SMIM21: variants seen among roughly 807,000 people sequenced by gnomAD.
The protein encoded by SMIM21 is chromosome 18 open reading frame 62.
A neutral mutation model predicts 8.6 loss-of-function variants in SMIM21; 8 were observed. That is an observed-to-expected ratio of 0.93 (90% CI 0.55 to 1.68). SMIM21 has a LOEUF of 1.68. Among genes scored for constraint, SMIM21 ranks in the 40% most tolerant of loss-of-function variants. The pLI is 0.00. For missense variants in SMIM21, 132 were observed against 123.0 expected, an observed-to-expected ratio of 1.07 and a Z score of -0.35; for synonymous variants, 43 against 41.7, an observed-to-expected ratio of 1.03 and a Z score of -0.12.
At chr18:75,418,951 G>GC in intron 1 of SMIM21, 35 bp from the exon 2 acceptor site, 1 of 1,453,358 alleles carries the variant, frequency 6.9e-7, no homozygotes, top group Non-Finnish European at 9.6e-7. Flanking sequence ...ACTATTTACA[G>GC]TGTCTGGCTT....
chr18:75,425,380 GA>G lies in SMIM21; in HGVS notation c.129+2054del, dbSNP rs1002134890. Among the ~76,000 whole-genome samples the G allele has an allele frequency of 8.6e-5, 13 of 150,952 alleles. No homozygotes were observed. In the East Asian group the frequency reaches 1.5e-3, roughly 18 times the overall value. On this transcript the variant is annotated intron_variant, in intron 1 of 2. Coordinates refer to ENST00000579022, the MANE Select transcript of SMIM21 (RefSeq NM_001037331.3). ...TGGAACCAGTGAACACTGGCCAAAA[GA>G]AAAAAAAAGTCCCATTCCACTGCCT...
intron 2 of SMIM21, among the ~76,000 whole-genome samples, chr18:75,413,805 G>A (rs2024608412): frequency 6.6e-6 from 1 of 152,098 alleles, no homozygotes; most frequent in Non-Finnish European, 1.5e-5. Context: ...AGTCTCATGA[G>A]TGCAAACACC....
chr18:75,418,061 G>T (rs1489249275), intron 2 of SMIM21: 1 of 395,932 alleles, frequency 2.5e-6, no homozygotes, highest in African/African-American at 2.1e-5. Context: ...GGAAGAGCTT[G>T]TGCCCACTGG....
At chr18:75,425,486 G>A (rs184691513) in intron 1 of SMIM21, among the ~76,000 whole-genome samples, 16 of 152,246 alleles carry the variant, frequency 1.1e-4, no homozygotes, top group Admixed American at 3.3e-4. Context: ...TATCTATGTC[G>A]TATGATCCAT....
chr18:75,420,706 C>T (rs1359493708), intron 1 of SMIM21, among the ~76,000 whole-genome samples: 8 of 152,140 alleles, frequency 5.3e-5, no homozygotes, highest in East Asian at 1.9e-4. Context: ...GCTTGTCCTA[C>T]GTTTGAAGCC....
At chr18:75,420,950 C>T (rs2024701930) in intron 1 of SMIM21, among the ~76,000 whole-genome samples, 1 of 152,168 alleles carries the variant, frequency 6.6e-6, no homozygotes, top group African/African-American at 2.4e-5. Context: ...CACAGGAAAA[C>T]TAGAAGCCAA....
At chr18:75,415,546 G>A (rs927812028) in intron 2 of SMIM21, among the ~76,000 whole-genome samples, 1 of 152,228 alleles carries the variant, frequency 6.6e-6, no homozygotes, top group Non-Finnish European at 1.5e-5. Flanking sequence ...GGCGGAACTA[G>A]CATGTGAGAT....
At chr18:75,414,968 A>T (rs929948481) in intron 2 of SMIM21, among the ~76,000 whole-genome samples, 1 of 152,198 alleles carries the variant, frequency 6.6e-6, no homozygotes, top group Non-Finnish European at 1.5e-5. Flanking sequence ...GTTTGTAAGA[A>T]TGGCTGACAA....
chr18:75,412,581 G>C (rs1353506282), intron 2 of SMIM21: 1 of 152,204 alleles, frequency 6.6e-6, no homozygotes, highest in African/African-American at 2.4e-5. Context: ...GGAGGTATGA[G>C]GTTTGGAAGC....
chr18:75,425,995 C>T (rs1568155932), intron 1 of SMIM21, among the ~76,000 whole-genome samples: 1 of 152,070 alleles, frequency 6.6e-6, no homozygotes, highest in East Asian at 1.9e-4. Context: ...TGCTGTGTTA[C>T]CATTGCCTCT....
chr18:75,425,772 A>T (rs954157402), intron 1 of SMIM21, among the ~76,000 whole-genome samples: 2 of 152,236 alleles, frequency 1.3e-5, no homozygotes, highest in Admixed American at 1.3e-4. Context: ...TTCAGATTAT[A>T]TGTAAGTTCC....
rs958434209 is a variant in SMIM21, at chr18:75,409,866, G to C, written c.*998C>G. On this transcript the variant is annotated 3_prime_UTR_variant, in exon 3 of 3. Transcript: ENST00000579022. ...CTGCACTGTGAGTTCTGAATCCCTG[G>C]CTCCCCAGCCGGACTCTTCAGTGCA... The C allele has an allele frequency of 6.6e-6, 1 of 152,546 alleles. No individual in the cohort carries two copies. Among genetic ancestry groups the C allele is most frequent in the Non-Finnish European group, 1.5e-5 (1 of 68,058 alleles). 9.4% of individuals were successfully genotyped at this position (152,546 alleles called of 1,614,324 possible). A position where few individuals can be genotyped will look rare whatever the true frequency, so the allele number is the denominator to read the frequency against.
At chr18:75,427,324 TGA>T in intron 1 of SMIM21, 109 bp downstream of exon 1, 1 of 1,241,406 alleles carries the variant, frequency 8.1e-7, no homozygotes, top group Non-Finnish European at 1.1e-6. Flanking sequence ...AATCTGGATT[TGA>T]GAGACAGAGC....
At chr18:75,421,594 T>C (rs1181574229) in intron 1 of SMIM21, among the ~76,000 whole-genome samples, 3 of 151,850 alleles carry the variant, frequency 2.0e-5, no homozygotes, top group Non-Finnish European at 2.9e-5. Context: ...CTCTGTGGGG[T>C]CAGGGTGGGG....
chr18:75,421,909 T>C (rs1041299924), intron 1 of SMIM21, among the ~76,000 whole-genome samples: 3 of 152,118 alleles, frequency 2.0e-5, no homozygotes, highest in Non-Finnish European at 2.9e-5. Context: ...AATACTAATG[T>C]CTTAGTATTA....
rs1334753832 is a variant in SMIM21 at position 75,418,967 on chromosome 18, G to A, written c.130-51C>T. 6.5e-6 allele frequency: 8 copies of A among 1,234,110 alleles called. No homozygotes were observed. The East Asian group carries it at 1.4e-4, about 22-fold the overall frequency. 76.4% of individuals were successfully genotyped at this position (1,234,110 alleles called of 1,614,324 possible). On this transcript the variant is annotated intron_variant, in intron 1 of 2. Coordinates refer to ENST00000579022, the MANE Select transcript of SMIM21 (RefSeq NM_001037331.3). ...CTATTTACAGTGTCTGGCTTTTCAAGCTTCATGCTACAAGCAGCTAACTCT... is the reference window on the plus strand; with the variant it reads ...CTATTTACAGTGTCTGGCTTTTCAAACTTCATGCTACAAGCAGCTAACTCT...
chr18:75,413,851 A>G (rs988830303), intron 2 of SMIM21, among the ~76,000 whole-genome samples: 1 of 152,190 alleles, frequency 6.6e-6, no homozygotes, highest in Non-Finnish European at 1.5e-5. Context: ...ATTGCTTAGA[A>G]CAGGGATGAA....
intron 2 of SMIM21, chr18:75,417,295 T>A (rs1389747008): frequency 6.6e-6 from 1 of 152,214 alleles, no homozygotes. Context: ...TAAAGGGCAG[T>A]GGGAGACGTC....
intron 1 of SMIM21, among the ~76,000 whole-genome samples, chr18:75,420,565 T>C (rs1311536588): frequency 6.6e-6 from 1 of 152,168 alleles, no homozygotes; most frequent in Non-Finnish European, 1.5e-5. Flanking sequence ...AATGATGTTT[T>C]AATGTTGCAA....
Sources: allele counts gnomAD v4.1 joint callset (sites outside exome capture counted in the v4.1 genomes callset), GRCh38; gene constraint gnomAD v4.1.1; transcripts MANE v1.5; gene names NCBI Gene and HGNC (gene_info 2026-07-23, HGNC 2026-07-21).